Variants in UPF2 observed in about 807,000 individuals in gnomAD.
The protein encoded by UPF2 is regulator of nonsense transcripts 2.
A neutral mutation model predicts 141.4 loss-of-function variants in UPF2; 17 were observed. The observed-to-expected ratio is 0.12, with a 90% confidence interval of 0.08 to 0.18. The LOEUF (loss-of-function observed/expected upper bound fraction) is 0.18. Ranked by LOEUF, UPF2 falls within the 10% of genes least tolerant of loss-of-function variation. UPF2 has a pLI of 1.00. For synonymous variants in UPF2, 540 were observed against 498.0 expected, an observed-to-expected ratio of 1.08 and a Z score of -1.12; for missense variants, 1,152 against 1,515.9, an observed-to-expected ratio of 0.76 and a Z score of 3.99.
rs1209329511 is a variant in UPF2, at chr10:11,931,935, G to C, written c.3547-153C>G. 6.6e-6 allele frequency among the ~76,000 whole-genome samples: 1 copy of C among 152,162 alleles called. No individual in the cohort carries two copies. The highest frequency in any genetic ancestry group is 2.1e-4 in the South Asian group (1 of 4,824). ...GGAGGCCGAGGCGGGCGGATCACGA[G>C]GTCAAGAGATCAAGACCATCCAGGC... On this transcript the variant is annotated intron_variant, in intron 19 of 21. Transcript: ENST00000357604. The surrounding 1 kb of genome is among the most constrained non-coding windows in gnomAD (Gnocchi z 5.9).
chr10:11,997,470 CAGAAGAAAT>C (rs1833883003), intron 8 of UPF2, among the ~76,000 whole-genome samples, 193 bp downstream of exon 8: 1 of 152,034 alleles, frequency 6.6e-6, no homozygotes, highest in African/African-American at 2.4e-5. Flanking sequence ...AATTAGATAT[CAGAAGAAAT>C]ATTCCCATTA....
intron 11 of UPF2, among the ~76,000 whole-genome samples, chr10:11,960,725 A>G (rs1833226385): frequency 6.6e-6 from 1 of 152,058 alleles, no homozygotes; most frequent in African/African-American, 2.4e-5. Context: ...AGCTATGATC[A>G]TGCCACTGCA....
In UPF2 at chr10:11,936,376, A is replaced by C. The variant is rs968231849; in HGVS notation, c.3546+169T>G. ...TGAGACGCCGTCTCAAAAAAAACAA[A>C]AACAAAAACAAAAACAAAAACAAAA... is the stretch of plus-strand genomic sequence containing the variant. On this transcript the variant is annotated intron_variant, in intron 19 of 21. Coordinates refer to ENST00000357604, the MANE Select transcript of UPF2 (RefSeq NM_015542.4). The surrounding 1 kb of genome is among the most constrained non-coding windows in gnomAD (Gnocchi z 6.6). Among the ~76,000 whole-genome samples, 1 of 151,736 alleles carries C rather than the reference A, an allele frequency of 6.6e-6. No individual in the cohort carries two copies. The highest frequency in any genetic ancestry group is 1.5e-5 in the Non-Finnish European group (1 of 67,970).
rs753939614 is a variant in UPF2 at position 12,014,148 on chromosome 10, A to G, written c.1182T>C (p.Asp394=). The change falls in exon 4 of 22, where the codon GAT becomes GAC. Residue 394 remains aspartate, a synonymous_variant. Transcript: ENST00000357604. The surrounding 1 kb of genome is among the most constrained non-coding windows in gnomAD (Gnocchi z 5.0). ...CAAATTCCTCATACTGTTTATGTCT[A>G]TCTTCACTGAGCTCCCCTTTAGAAT... The part of the protein sequence containing the change: ...ILHSKGELSE[D]RHKQYEEFAM... 20 of 1,548,016 alleles carry G rather than the reference A, an allele frequency of 1.3e-5. No individual in the cohort carries two copies. The African/African-American group carries it at 2.3e-4, about 18-fold the overall frequency.
chr10:11,923,965 A>G (rs1832679459), intron 21 of UPF2, among the ~76,000 whole-genome samples: 1 of 152,232 alleles, frequency 6.6e-6, no homozygotes, highest in Non-Finnish European at 1.5e-5. Flanking sequence ...TACGTATTTT[A>G]AAGTTTGAGA....
intron 5 of UPF2, among the ~76,000 whole-genome samples, chr10:12,002,657 G>C (rs1238935863): frequency 6.6e-6 from 1 of 151,980 alleles, no homozygotes; most frequent in Non-Finnish European, 1.5e-5. Context: ...AAGGGTTAGA[G>C]AAAACCAAAA....
At chr10:11,922,687 AC>A (rs1832660743) in intron 21 of UPF2, among the ~76,000 whole-genome samples, 1 of 152,218 alleles carries the variant, frequency 6.6e-6, no homozygotes, top group South Asian at 2.1e-4. Context: ...GTTTATTAAT[AC>A]AATATACACT....
chr10:11,956,575 G>T lies in UPF2; in HGVS notation c.2371-52C>A. On this transcript the variant is annotated intron_variant, in intron 12 of 21. Coordinates refer to ENST00000357604, the MANE Select transcript of UPF2 (RefSeq NM_015542.4). The surrounding 1 kb of genome is among the most constrained non-coding windows in gnomAD (Gnocchi z 4.2). Reference sequence around the variant, plus strand: ...TATTAAGATAAGTACACAGTAGCCTGACCAAATAATACAGAAATTTTGCTA... The same window carrying T: ...TATTAAGATAAGTACACAGTAGCCTTACCAAATAATACAGAAATTTTGCTA... 2.0e-6 allele frequency: 3 copies of T among 1,538,416 alleles called. No homozygotes were observed. Among genetic ancestry groups the T allele is most frequent in the South Asian group, 2.4e-5 (2 of 84,478 alleles).
chr10:11,986,712 T>A (rs530009173), intron 8 of UPF2, among the ~76,000 whole-genome samples: 31 of 152,174 alleles, frequency 2.0e-4, no homozygotes, highest in African/African-American at 7.5e-4. Flanking sequence ...AAGACTGGGG[T>A]CATTTACTCT....
intron 4 of UPF2, among the ~76,000 whole-genome samples, chr10:12,011,065 T>C (rs1834118801): frequency 1.3e-5 from 2 of 152,320 alleles, no homozygotes; most frequent in East Asian, 1.9e-4. Flanking sequence ...AACTGTAACC[T>C]TGAACATCTG....
intron 16 of UPF2, among the ~76,000 whole-genome samples, chr10:11,944,244 C>G (rs1288135443): frequency 6.6e-6 from 1 of 152,192 alleles, no homozygotes; most frequent in East Asian, 1.9e-4. Context: ...CACCTGTAAT[C>G]CCAACACTTT....
intron 11 of UPF2, among the ~76,000 whole-genome samples, chr10:11,961,483 C>G (rs1475589116): frequency 6.6e-6 from 1 of 151,708 alleles, no homozygotes; most frequent in Non-Finnish European, 1.5e-5. Flanking sequence ...CCAGTGTGTT[C>G]CTAGTAGGGA....
intron 14 of UPF2, among the ~76,000 whole-genome samples, chr10:11,954,801 C>A (rs561023560): frequency 8.4e-4 from 124 of 146,948 alleles, no homozygotes; most frequent in African/African-American, 2.9e-3. Context: ...CATAGCAAGA[C>A]CCCATTTCTA....
chr10:11,993,856 G>A (rs1397836782), intron 8 of UPF2, among the ~76,000 whole-genome samples: 1 of 152,050 alleles, frequency 6.6e-6, no homozygotes, highest in Non-Finnish European at 1.5e-5. Context: ...AGACATGGTG[G>A]TTCATGCCTG....
At position 12,019,433 on chromosome 10, in the gene UPF2, A is replaced by C. The variant is rs1417191311; in HGVS notation, c.1146-5249T>G. Reference sequence around the variant, plus strand: ...ATTCTTAGGTGACAGGCTGTAGAAAAACTAGTCATAGGCTTAATCTGGCCC... The same window carrying C: ...ATTCTTAGGTGACAGGCTGTAGAAACACTAGTCATAGGCTTAATCTGGCCC... On this transcript the variant is annotated intron_variant, in intron 3 of 21. Transcript: ENST00000357604. This position sits in a 1 kb window ranked among gnomAD's most constrained non-coding sequence, Gnocchi z 4.5. 1.3e-5 allele frequency among the ~76,000 whole-genome samples: 2 copies of C among 152,262 alleles called. No homozygotes were observed. The highest frequency in any genetic ancestry group is 3.8e-4 in the East Asian group (2 of 5,202).
At chr10:12,033,088 C>T (rs1834557807) in intron 2 of UPF2, among the ~76,000 whole-genome samples, 2 of 152,096 alleles carry the variant, frequency 1.3e-5, no homozygotes, top group Non-Finnish European at 2.9e-5. Context: ...TATACAAAAT[C>T]GTGCTTGCAA....
In UPF2 at chr10:12,016,142, C is replaced by T. The variant is rs1484152973; in HGVS notation, c.1146-1958G>A. 6.6e-6 allele frequency among the ~76,000 whole-genome samples: 1 copy of T among 150,832 alleles called. No homozygotes were observed. The highest frequency in any genetic ancestry group is 2.1e-4 in the South Asian group (1 of 4,796). On this transcript the variant is annotated intron_variant, in intron 3 of 21. Coordinates refer to ENST00000357604, the MANE Select transcript of UPF2 (RefSeq NM_015542.4). The surrounding 1 kb of genome is among the most constrained non-coding windows in gnomAD (Gnocchi z 4.1). ...ACCTATGAAAGACACAACATTAGCA[C>T]TCTGAGCTTGTTAAAACTTTTAATC...
intron 11 of UPF2, among the ~76,000 whole-genome samples, chr10:11,960,603 G>C (rs1442398819): frequency 6.6e-6 from 1 of 150,906 alleles, no homozygotes; most frequent in East Asian, 2.0e-4. Context: ...GAAAAATAAA[G>C]TAAAAAATTA....
Position 11,959,421 on chromosome 10 carries a change from ACTT to A in UPF2, c.2185-68_2185-66del. 1.4e-6 allele frequency: 2 copies of A among 1,462,098 alleles called. No homozygotes were observed. Among genetic ancestry groups the A allele is most frequent in the Non-Finnish European group, 9.1e-7 (1 of 1,099,932 alleles). 90.6% of individuals were successfully genotyped at this position (1,462,098 alleles called of 1,614,324 possible). A position where few individuals can be genotyped will look rare whatever the true frequency, so the allele number is the denominator to read the frequency against. On this transcript the variant is annotated intron_variant, in intron 11 of 21. Coordinates refer to ENST00000357604, the MANE Select transcript of UPF2 (RefSeq NM_015542.4). This position sits in a 1 kb window ranked among gnomAD's most constrained non-coding sequence, Gnocchi z 5.9. ...CTAAGATTCCTTTACTCCTAACTAA[ACTT>A]CTATTCTCAGTGATTTGCTATTTCA...
Sources: allele counts gnomAD v4.1 joint callset (sites outside exome capture counted in the v4.1 genomes callset), GRCh38; gene constraint gnomAD v4.1.1; non-coding constraint Gnocchi (gnomAD v3.1); transcripts MANE v1.5; gene names NCBI Gene and HGNC (gene_info 2026-07-23, HGNC 2026-07-21).